NID1: variants seen among roughly 807,000 people sequenced by gnomAD.
The protein encoded by NID1 is nidogen 1.
NID1 carries 76 observed loss-of-function variants against 130.6 expected under a neutral mutation model. That is an observed-to-expected ratio of 0.58 (90% confidence interval 0.48 to 0.70). The LOEUF (loss-of-function observed/expected upper bound fraction) is 0.70. Among genes scored for constraint, NID1 ranks in the 30% least tolerant of loss-of-function variants. The pLI is 0.00. For synonymous variants in NID1, 665 were observed against 675.1 expected, an observed-to-expected ratio of 0.98 and a Z score of 0.23; for missense variants, 1,517 against 1,664.8, an observed-to-expected ratio of 0.91 and a Z score of 1.54.
At chr1:235,983,600 G>A (rs1464225440) in intron 15 of NID1, among the ~76,000 whole-genome samples, 2 of 152,138 alleles carry the variant, frequency 1.3e-5, no homozygotes, top group Non-Finnish European at 2.9e-5. Flanking sequence ...CGAGGCACCT[G>A]GAGGAAGCTC....
Position 235,985,359 on chromosome 1 carries a change from A to G in NID1, c.3055+20T>C, listed in dbSNP as rs1264386282. On this transcript the variant is annotated intron_variant, in intron 15 of 19. Transcript: ENST00000264187. ...GCTAGAAGCAAAACCAAAAAGGAAA[A>G]ATGATATTTGCTTACTTACCTTGTC... is the stretch of plus-strand genomic sequence containing the variant. 2 of 1,613,850 alleles carry G rather than the reference A, an allele frequency of 1.2e-6. No homozygotes were observed. The highest frequency in any genetic ancestry group is 1.7e-6 in the Non-Finnish European group (2 of 1,179,836).
intron 5 of NID1, among the ~76,000 whole-genome samples, chr1:236,035,690 G>A (rs1054048288): frequency 1.3e-5 from 2 of 152,146 alleles, no homozygotes; most frequent in African/African-American, 4.8e-5. Flanking sequence ...GCTGCCATCC[G>A]GGGATCAGCT....
intron 3 of NID1, among the ~76,000 whole-genome samples, chr1:236,044,449 G>A (rs1348682527): frequency 6.6e-6 from 1 of 152,068 alleles, no homozygotes; most frequent in Admixed American, 6.6e-5. Context: ...TATATATAAT[G>A]GTGCATGTTT....
chr1:235,991,888 C>G (rs921639082), intron 13 of NID1, among the ~76,000 whole-genome samples: 1 of 152,146 alleles, frequency 6.6e-6, no homozygotes, highest in Admixed American at 6.5e-5. Context: ...GATGGGAGAG[C>G]CTGGGGCCTG....
intron 12 of NID1, among the ~76,000 whole-genome samples, chr1:236,006,500 C>G (rs1475579982): frequency 1.3e-5 from 2 of 152,122 alleles, no homozygotes; most frequent in South Asian, 2.1e-4. Flanking sequence ...GTGCAATCAG[C>G]AAGATCCAGA....
intron 14 of NID1, among the ~76,000 whole-genome samples, chr1:235,990,145 TG>T (rs1208352840): frequency 6.6e-6 from 1 of 152,196 alleles, no homozygotes; most frequent in African/African-American, 2.4e-5. Context: ...GGGATGTGGC[TG>T]TGTGTGGCAT....
At chr1:236,031,041 C>T (rs969456863) in intron 6 of NID1, among the ~76,000 whole-genome samples, 24 of 152,096 alleles carry the variant, frequency 1.6e-4, no homozygotes, top group African/African-American at 5.8e-4. Flanking sequence ...AATATATATG[C>T]CTGTGGACTA....
chr1:236,026,739 ATTTTT>A (rs768617564), intron 7 of NID1, among the ~76,000 whole-genome samples: 1 of 137,194 alleles, frequency 7.3e-6, no homozygotes, highest in Admixed American at 7.3e-5. Flanking sequence ...TTTCTTTTTC[ATTTTT>A]TTTTTTTTTT....
chr1:236,061,571 T>C (rs572936292), intron 1 of NID1, among the ~76,000 whole-genome samples: 1 of 152,094 alleles, frequency 6.6e-6, no homozygotes, highest in African/African-American at 2.4e-5. Context: ...GCTCAAGAGA[T>C]TCTCCTGCCT....
intron 12 of NID1, among the ~76,000 whole-genome samples, chr1:235,997,932 C>T (rs969329580): frequency 9.2e-5 from 14 of 152,190 alleles, no homozygotes; most frequent in African/African-American, 2.9e-4. Flanking sequence ...TCTGGTGTCA[C>T]CTTGTACATG....
Position 235,993,783 on chromosome 1 carries a change from G to A in NID1, c.2617C>T (p.Leu873=), listed in dbSNP as rs1018101569. The A allele has an allele frequency of 6.2e-7, 1 of 1,614,182 alleles. No homozygotes were observed. Among genetic ancestry groups the A allele is most frequent in the Non-Finnish European group, 8.5e-7 (1 of 1,180,036 alleles). ...TGCGCATCGCACTCAGGAACGAACA[G>A]CCCCGGAGGAATGGGTCGCTGTGGG... ...TDPQRPIPPG[L]FVPECDAHGH... Residue 873 remains leucine, a synonymous_variant, in exon 13 of 20, where the codon CTG becomes TTG. Coordinates refer to ENST00000264187, the MANE Select transcript of NID1 (RefSeq NM_002508.3).
Position 236,045,662 on chromosome 1 carries a change from G to C in NID1, c.547C>G (p.Leu183Val). 6.2e-7 allele frequency: 1 copy of C among 1,612,630 alleles called. No individual in the cohort carries two copies. The highest frequency in any genetic ancestry group is 8.5e-7 in the Non-Finnish European group (1 of 1,179,284). The part of the protein sequence containing the change: ...KGKRNTFQAV[L>V]ASSDSSSYAI... ...TAGGAGCTGGAATCAGAGGAGGCTA[G>C]AACAGCCTGGAACGTGTTTCTCTGT... Residue 183 changes from leucine to valine, a missense_variant, in exon 3 of 20, where the codon CTA becomes GTA. By Grantham distance (32) the Leu-to-Val change is conservative (BLOSUM62 1). Transcript: ENST00000264187.
intron 3 of NID1, among the ~76,000 whole-genome samples, 186 bp downstream of exon 3, chr1:236,045,271 T>C (rs1324196860): frequency 2.7e-5 from 4 of 148,474 alleles, no homozygotes; most frequent in African/African-American, 7.4e-5. Flanking sequence ...AAAAATAGGA[T>C]ATCTGTTCAT....
chr1:236,024,013 G>A, intron 9 of NID1, 57 bp downstream of exon 9: 1 of 1,601,170 alleles, frequency 6.2e-7, no homozygotes, highest in Non-Finnish European at 8.5e-7. Context: ...ACAGAACGTG[G>A]ATGCCTCCTC....
intron 9 of NID1, among the ~76,000 whole-genome samples, chr1:236,023,303 GAC>G (rs1354009095): frequency 6.6e-6 from 1 of 152,116 alleles, no homozygotes; most frequent in Non-Finnish European, 1.5e-5. Context: ...AAAAAATTCT[GAC>G]ACATGTGACA....
intron 9 of NID1, among the ~76,000 whole-genome samples, chr1:236,020,058 AC>A (rs373182246): frequency 0.26 from 32,156 of 124,242 alleles, 4,950 homozygotes; most frequent in Non-Finnish European, 0.3. Context: ...AAAAAAAAAA[AC>A]AAAAACAAAC....
rs961679968 is a variant in NID1 at position 236,032,785 on chromosome 1, G to A, written c.1286-133C>T. On this transcript the variant is annotated intron_variant, in intron 5 of 19. Transcript: ENST00000264187. ...AAACAGCACTGGGGTCAATGGCTTT[G>A]GGTAAGCAAAAGCAGCTGTTCTTCC... The A allele has an allele frequency of 2.7e-5, 33 of 1,226,316 alleles. No homozygotes were observed. In the African/African-American group the frequency reaches 4.9e-4, roughly 18 times the overall value. The allele number at this position is 1,226,316 out of a possible 1,614,324, so 76.0% of individuals were successfully genotyped here.
At chr1:236,004,578 C>A (rs1015313395) in intron 12 of NID1, among the ~76,000 whole-genome samples, 1 of 151,666 alleles carries the variant, frequency 6.6e-6, no homozygotes, top group Non-Finnish European at 1.5e-5. Context: ...CTGGCTAACA[C>A]GGTGAAACCC....
chr1:235,982,785 G>A (rs1657474269), intron 15 of NID1, among the ~76,000 whole-genome samples: 1 of 152,144 alleles, frequency 6.6e-6, no homozygotes, highest in South Asian at 2.1e-4. Flanking sequence ...AGGTCATTTA[G>A]TATGACTGGA....
Sources: gnomAD v4.1 joint callset for allele counts (sites outside exome capture counted in the v4.1 genomes callset) on GRCh38, gnomAD v4.1.1 for gene constraint, MANE v1.5 for transcripts, NCBI Gene and HGNC (gene_info 2026-07-23, HGNC 2026-07-21) for gene names.